MMS19: variants seen among roughly 807,000 people sequenced by gnomAD.
MMS19 encodes MMS19 nucleotide excision repair protein homolog.
MMS19 carries 77 observed loss-of-function variants against 129.8 expected under a neutral mutation model. That is an observed-to-expected ratio of 0.59 (90% CI 0.49 to 0.72). The LOEUF (loss-of-function observed/expected upper bound fraction) is 0.72. MMS19 is among the 30% of genes least tolerant of loss of function. The pLI, the probability that MMS19 is intolerant of heterozygous loss-of-function variation, is 0.00. For synonymous variants in MMS19, 491 were observed against 502.8 expected (o/e 0.98, Z 0.31); for missense variants, 1,168 against 1,266.3 (o/e 0.92, Z 1.18).
intron 1 of MMS19, among the ~76,000 whole-genome samples, chr10:97,495,680 G>A (rs1303309331): frequency 6.6e-6 from 1 of 152,216 alleles, no homozygotes; most frequent in Admixed American, 6.5e-5. Context: ...ACAGATAACA[G>A]GTCATTCAAA....
rs777449441 is a variant in MMS19 at position 97,465,909 on chromosome 10, C to T, written c.1652G>A (p.Arg551Gln). ...TNGDEPTQCS[R>Q]HLCCLQALSA... ...CAAGGCTTGCAGACAGCACAGATGC[C>T]GGGAGCATTGGGTGGGCTCATCTCC... Residue 551 changes from arginine to glutamine, a missense_variant, in exon 18 of 31, where the codon CGG becomes CAG. Physicochemically the swap from Arg to Gln is conservative, Grantham distance 43 (BLOSUM62 1). Coordinates refer to ENST00000438925, the MANE Select transcript of MMS19 (RefSeq NM_022362.5). 14 of 1,613,936 alleles carry T rather than the reference C, an allele frequency of 8.7e-6. No homozygotes were observed. Among genetic ancestry groups the T allele is most frequent in the South Asian group, 5.5e-5 (5 of 91,076 alleles).
chr10:97,483,497 C>T (rs1589743046), intron 2 of MMS19, among the ~76,000 whole-genome samples: 1 of 152,198 alleles, frequency 6.6e-6, no homozygotes, highest in East Asian at 1.9e-4. Flanking sequence ...TTTTAGAAGA[C>T]ATGCTGTCAC....
chr10:97,489,374 T>C (rs1447953977), intron 1 of MMS19, among the ~76,000 whole-genome samples: 1 of 152,206 alleles, frequency 6.6e-6, no homozygotes, highest in Non-Finnish European at 1.5e-5. Context: ...AGTTAAGGGT[T>C]GAGAGGTAGA....
intron 1 of MMS19, 50 bp from the exon 2 acceptor site, chr10:97,484,201 A>C: frequency 8.2e-7 from 1 of 1,226,540 alleles, no homozygotes; most frequent in Non-Finnish European, 1.1e-6. Flanking sequence ...AAAACCTACC[A>C]AAGGGTTGAA....
intron 12 of MMS19, among the ~76,000 whole-genome samples, 197 bp downstream of exon 12, chr10:97,468,769 C>T (rs1300688747): frequency 4.6e-5 from 7 of 152,032 alleles, no homozygotes; most frequent in African/African-American, 1.4e-4. Context: ...CCACCACGCC[C>T]GGCTAATTTT....
intron 8 of MMS19, among the ~76,000 whole-genome samples, chr10:97,474,559 A>AAAAC (rs752068115): frequency 3.3e-5 from 5 of 152,180 alleles, no homozygotes; most frequent in Admixed American, 6.5e-5. Flanking sequence ...AAAACAAAAC[A>AAAAC]AAACAGAACA....
chr10:97,469,231 A>T (rs2034179662), intron 11 of MMS19, 127 bp from the exon 12 acceptor site: 1 of 1,188,898 alleles, frequency 8.4e-7, no homozygotes, highest in South Asian at 1.6e-5. Flanking sequence ...GGAAATTAAC[A>T]CCCCAACTGA....
intron 17 of MMS19, 33 bp from the exon 18 acceptor site, chr10:97,465,987 T>C (rs753414248): frequency 1.2e-6 from 2 of 1,612,668 alleles, no homozygotes; most frequent in Middle Eastern, 1.6e-4. Context: ...AGGTTTACTG[T>C]GTGATAGGAA....
intron 1 of MMS19, among the ~76,000 whole-genome samples, chr10:97,485,085 C>T (rs1291650269): frequency 6.6e-6 from 1 of 151,906 alleles, no homozygotes; most frequent in Non-Finnish European, 1.5e-5. Context: ...TAGACATAAA[C>T]TTAATAAAAA....
chr10:97,460,086 A>G lies in MMS19; in HGVS notation c.2616T>C (p.Asn872=), dbSNP rs150460144. 10 of 1,613,950 alleles carry G rather than the reference A, an allele frequency of 6.2e-6. No individual in the cohort carries two copies. Among genetic ancestry groups the G allele is most frequent in the Non-Finnish European group, 7.6e-6 (9 of 1,179,904 alleles). Reference sequence around the variant, plus strand: ...GGAAGCCCTGGACCAAAGCAGGCACATTATCTGTGAAGAACCGCTGGCGGA... The same window carrying G: ...GGAAGCCCTGGACCAAAGCAGGCACGTTATCTGTGAAGAACCGCTGGCGGA... ...IMFRQRFFTD[N]VPALVQGFHA... The change falls in exon 26 of 31, where the codon AAT becomes AAC. Residue 872 remains asparagine (N), a synonymous_variant. Coordinates refer to ENST00000438925, the MANE Select transcript of MMS19 (RefSeq NM_022362.5).
chr10:97,465,716 C>G, intron 18 of MMS19, 89 bp downstream of exon 18: 1 of 1,282,436 alleles, frequency 7.8e-7, no homozygotes, highest in South Asian at 1.4e-5. Flanking sequence ...TTCTGTTACT[C>G]TTATGTATAG....
At chr10:97,477,741 T>G (rs2036014569) in intron 5 of MMS19, 114 bp downstream of exon 5, 1 of 754,202 alleles carries the variant, frequency 1.3e-6, no homozygotes, top group East Asian at 2.7e-5. Flanking sequence ...ATAAAAACAT[T>G]CACAAGATCC....
At chr10:97,484,034 G>T in intron 2 of MMS19, 69 bp downstream of exon 2, 1 of 1,046,894 alleles carries the variant, frequency 9.6e-7, no homozygotes, top group Non-Finnish European at 1.4e-6. Flanking sequence ...AAGCAGCAAT[G>T]CGCAAAAGTA....
chr10:97,490,958 A>C (rs1448609451), intron 1 of MMS19, among the ~76,000 whole-genome samples: 5 of 152,230 alleles, frequency 3.3e-5, no homozygotes, highest in Non-Finnish European at 5.9e-5. Context: ...CAGGCCAAAC[A>C]AACCAAGTTG....
At chr10:97,469,974 C>T (rs143698834) in intron 10 of MMS19, among the ~76,000 whole-genome samples, 155 bp downstream of exon 10, 3 of 152,320 alleles carry the variant, frequency 2.0e-5, no homozygotes, top group East Asian at 3.9e-4. Context: ...CGACGATATG[C>T]AGCTGGGGGC....
intron 1 of MMS19, among the ~76,000 whole-genome samples, chr10:97,493,942 G>C (rs1218313117): frequency 6.6e-6 from 1 of 152,116 alleles, no homozygotes; most frequent in East Asian, 1.9e-4. Flanking sequence ...TTGAACCTGG[G>C]GGGCAGAGGT....
At chr10:97,474,210 C>G (rs1336748096) in intron 8 of MMS19, among the ~76,000 whole-genome samples, 2 of 150,772 alleles carry the variant, frequency 1.3e-5, no homozygotes, top group Non-Finnish European at 2.9e-5. Flanking sequence ...AGTGAAGAAA[C>G]TGAACCTTAA....
chr10:97,477,959 C>G (rs368635763), intron 4 of MMS19, 30 bp from the exon 5 acceptor site: 17 of 1,488,706 alleles, frequency 1.1e-5, no homozygotes, highest in Non-Finnish European at 1.5e-5. Flanking sequence ...ACGTGAATAC[C>G]GAAGGAATTG....
At chr10:97,476,460 C>G (rs872106) in intron 8 of MMS19, among the ~76,000 whole-genome samples, 34,404 of 152,144 alleles carry the variant, frequency 0.23, 4,207 homozygotes, top group Non-Finnish European at 0.27. Context: ...GCCTTCAGCA[C>G]TAAATACAGT....
Sources: gnomAD v4.1 joint callset for allele counts (sites outside exome capture counted in the v4.1 genomes callset) on GRCh38, gnomAD v4.1.1 for gene constraint, MANE v1.5 for transcripts, NCBI Gene and HGNC (gene_info 2026-07-23, HGNC 2026-07-21) for gene names.